The following RIC1 variants were observed in gnomAD, a reference collection of about 807,000 sequenced individuals.
RIC1 encodes guanine nucleotide exchange factor subunit RIC1.
A neutral mutation model predicts 169.0 loss-of-function variants in RIC1; 88 were observed. That is an observed-to-expected ratio of 0.52 (90% CI 0.44 to 0.62). RIC1 has a LOEUF of 0.62. RIC1 is among the 20% of genes least tolerant of loss of function. The pLI is 0.00. For missense variants in RIC1, 1,877 were observed against 1,725.5 expected, an observed-to-expected ratio of 1.09 and a Z score of -1.56; for synonymous variants, 790 against 601.5, an observed-to-expected ratio of 1.31 and a Z score of -4.59.
At chr9:5,652,921 A>G (rs1434029355) in intron 1 of RIC1, among the ~76,000 whole-genome samples, 1 of 152,074 alleles carries the variant, frequency 6.6e-6, no homozygotes, top group Non-Finnish European at 1.5e-5. Context: ...ATAGATGTTG[A>G]GTTTTGTCAA....
At position 5,772,972 on chromosome 9, in the gene RIC1, T is replaced by A; in HGVS notation, c.3875T>A (p.Ile1292Lys). The change falls in exon 25 of 26, where the codon ATA (isoleucine) becomes AAA (lysine). Residue 1292 changes from isoleucine (I) to lysine (K), a missense_variant. Ile to Lys is a moderately radical substitution (Grantham distance 102). Around this residue, in one of 3 missense-constraint regions of RIC1, gnomAD observed 681 missense variants for 582.0 expected, o/e 1.17. Coordinates refer to ENST00000414202, the MANE Select transcript of RIC1 (RefSeq NM_020829.4). ...GGCCTGATTCTTAGAGAATCCTCAATAATCAATCAGATTTTGGTTATTACA... is the reference window on the plus strand; with the variant it reads ...GGCCTGATTCTTAGAGAATCCTCAAAAATCAATCAGATTTTGGTTATTACA... ...VIGLILRESS[I>K]INQILVITQS... 1 of 1,613,456 alleles carries A rather than the reference T, an allele frequency of 6.2e-7. No homozygotes were observed. Among genetic ancestry groups the A allele is most frequent in the East Asian group, 2.2e-5 (1 of 44,854 alleles).
At chr9:5,762,802 G>A in intron 18 of RIC1, 142 bp downstream of exon 18, 1 of 1,074,408 alleles carries the variant, frequency 9.3e-7, no homozygotes. Context: ...AAGCCTCTGG[G>A]TGTAAGACTG....
intron 1 of RIC1, among the ~76,000 whole-genome samples, chr9:5,653,112 A>G (rs1403585601): frequency 6.6e-6 from 1 of 152,168 alleles, no homozygotes; most frequent in Non-Finnish European, 1.5e-5. Context: ...GGACTTTTGC[A>G]TCTGTGTTCA....
chr9:5,679,760 T>C (rs1270720015), intron 2 of RIC1, among the ~76,000 whole-genome samples: 3 of 152,258 alleles, frequency 2.0e-5, no homozygotes, highest in Non-Finnish European at 2.9e-5. Context: ...TGGGGTTTTC[T>C]AGATATACAA....
chr9:5,690,270 G>T (rs895194301), intron 3 of RIC1, among the ~76,000 whole-genome samples: 3 of 152,064 alleles, frequency 2.0e-5, no homozygotes, highest in Non-Finnish European at 2.9e-5. Context: ...TGGGTATTCA[G>T]AATGACTGTT....
chr9:5,688,294 A>C (rs1380830545), intron 2 of RIC1, among the ~76,000 whole-genome samples: 1 of 152,124 alleles, frequency 6.6e-6, no homozygotes, highest in African/African-American at 2.4e-5. Context: ...TGCGCCTTCT[A>C]AGTGTGCTGA....
chr9:5,678,498 C>T (rs889965528), intron 2 of RIC1, among the ~76,000 whole-genome samples: 3 of 151,852 alleles, frequency 2.0e-5, no homozygotes, highest in African/African-American at 7.3e-5. Context: ...TCCACATCCT[C>T]TCCAGCACCT....
intron 2 of RIC1, 23 bp downstream of exon 2, chr9:5,656,713 T>TA: frequency 7.6e-7 from 1 of 1,323,498 alleles, no homozygotes; most frequent in Non-Finnish European, 1.1e-6. Context: ...TACCGCTAAA[T>TA]AGTGTTTTCT....
intron 3 of RIC1, among the ~76,000 whole-genome samples, chr9:5,694,778 A>C (rs187063028): frequency 7.4e-6 from 1 of 134,430 alleles, no homozygotes; most frequent in Admixed American, 8.0e-5. Flanking sequence ...AACGATAAGC[A>C]GTTTTGGTTT....
intron 3 of RIC1, among the ~76,000 whole-genome samples, chr9:5,712,207 T>A (rs1255345919): frequency 6.6e-6 from 1 of 152,176 alleles, no homozygotes; most frequent in African/African-American, 2.4e-5. Flanking sequence ...GTAAAAGTGT[T>A]CCTATTTCTT....
rs775687095 is a variant in RIC1, at chr9:5,763,514, C to G, written c.2487C>G (p.His829Gln). 1.2e-6 allele frequency: 2 copies of G among 1,614,076 alleles called. No homozygotes were observed. The highest frequency in any genetic ancestry group is 2.7e-5 in the African/African-American group (2 of 74,930). Residue 829 changes from histidine (H) to glutamine (Q), a missense_variant, in exon 19 of 26, where the codon CAC (histidine) becomes CAG (glutamine). Physicochemically the swap from His to Gln is conservative, Grantham distance 24. This residue lies in a region of RIC1 where 92 missense variants were observed against 151.5 expected (regional missense o/e 0.61). Coordinates refer to ENST00000414202, the MANE Select transcript of RIC1 (RefSeq NM_020829.4). The surrounding 1 kb of genome is among the most constrained non-coding windows in gnomAD (Gnocchi z 5.2). ...VVERTSQIYL[H>Q]HILRQLLVRN... Reference sequence around the variant, plus strand: ...AGAGAACCTCTCAGATCTACCTCCACCACATTCTACGTCAACTTCTGGTCA... The same window carrying G: ...AGAGAACCTCTCAGATCTACCTCCAGCACATTCTACGTCAACTTCTGGTCA...
At chr9:5,748,332 C>G (rs918403011) in intron 12 of RIC1, among the ~76,000 whole-genome samples, 1 of 152,130 alleles carries the variant, frequency 6.6e-6, no homozygotes, top group Non-Finnish European at 1.5e-5. Flanking sequence ...CCTACTTCAG[C>G]TCCCATGTTA....
intron 6 of RIC1, among the ~76,000 whole-genome samples, chr9:5,727,428 A>C (rs943914816): frequency 2.6e-5 from 4 of 152,174 alleles, no homozygotes; most frequent in Admixed American, 1.3e-4. Flanking sequence ...TATTCTAGTT[A>C]GCCATTTGTC....
chr9:5,756,228 G>T lies in RIC1; in HGVS notation c.1709G>T (p.Arg570Leu). 6.4e-7 allele frequency: 1 copy of T among 1,565,890 alleles called. No homozygotes were observed. Among genetic ancestry groups the T allele is most frequent in the Non-Finnish European group, 8.7e-7 (1 of 1,152,220 alleles). Residue 570 changes from arginine (R) to leucine (L), a missense_variant, in exon 16 of 26, where the codon CGA becomes CTA. Around this residue, in one of 3 missense-constraint regions of RIC1, gnomAD observed 1,104 missense variants for 992.0 expected, o/e 1.11. Transcript: ENST00000414202. ...TTTCTTCAGCTTAGAGTATACTTGCGAACATCAAATCTGGACAATGCCTTT... is the reference window on the plus strand; with the variant it reads ...TTTCTTCAGCTTAGAGTATACTTGCTAACATCAAATCTGGACAATGCCTTT... ...DRQEELRVYL[R>L]TSNLDNAFAH... is the part of the protein sequence containing the mutation.
rs532224523 is a variant in RIC1 at position 5,669,289 on chromosome 9, A to C, written c.252+12599A>C. On this transcript the variant is annotated intron_variant, in intron 2 of 25. Coordinates refer to ENST00000414202, the MANE Select transcript of RIC1 (RefSeq NM_020829.4). ...GTCTTTTATCCCTCACCCGCCTCCCACCCTTTTCCCTGAGTCCCCAAAGTC... is the reference window on the plus strand; with the variant it reads ...GTCTTTTATCCCTCACCCGCCTCCCCCCCTTTTCCCTGAGTCCCCAAAGTC... 9.7e-4 allele frequency among the ~76,000 whole-genome samples: 147 copies of C among 151,842 alleles called. 1 individual carries two copies. The highest frequency in any genetic ancestry group is 3.3e-3 in the African/African-American group (135 of 41,398).
chr9:5,631,654 T>A (rs928841880), intron 1 of RIC1, among the ~76,000 whole-genome samples: 7 of 135,840 alleles, frequency 5.2e-5, no homozygotes, highest in Middle Eastern at 8.9e-3. Flanking sequence ...ACCACTGCAC[T>A]CCAGCCTGGC....
At chr9:5,684,984 C>G (rs549656631) in intron 2 of RIC1, among the ~76,000 whole-genome samples, 4 of 151,674 alleles carry the variant, frequency 2.6e-5, no homozygotes, top group South Asian at 4.1e-4. Flanking sequence ...TTTTGTTAAA[C>G]CCCAACCCTG....
intron 23 of RIC1, among the ~76,000 whole-genome samples, chr9:5,771,116 T>C (rs912847615): frequency 6.6e-6 from 1 of 152,218 alleles, no homozygotes; most frequent in Non-Finnish European, 1.5e-5. Context: ...AAGCAGAGTT[T>C]GTAGTGTTAA....
intron 3 of RIC1, among the ~76,000 whole-genome samples, chr9:5,704,641 T>C (rs903218305): frequency 6.6e-6 from 1 of 152,302 alleles, no homozygotes; most frequent in East Asian, 1.9e-4. Flanking sequence ...TTTCACTTTC[T>C]TGGTAGTGTA....
Sources: gnomAD v4.1 joint callset for allele counts (sites outside exome capture counted in the v4.1 genomes callset) on GRCh38, gnomAD v4.1.1 for gene constraint, gnomAD v4.1.1 regional missense constraint, Gnocchi (gnomAD v3.1) non-coding constraint, MANE v1.5 for transcripts, NCBI Gene and HGNC (gene_info 2026-07-23, HGNC 2026-07-21) for gene names.